Variants in SKIL observed in about 807,000 individuals in gnomAD.
SKIL encodes SKI like proto-oncogene, also known as ski-like protein.
SKIL carries 20 observed loss-of-function variants against 69.6 expected under a neutral mutation model. That is an observed-to-expected ratio of 0.29 (90% CI 0.20 to 0.42). SKIL has a LOEUF of 0.42. Among genes scored for constraint, SKIL ranks in the 10% least tolerant of loss-of-function variants. The pLI is 1.00. For missense variants in SKIL, 745 were observed against 783.1 expected (o/e 0.95, Z 0.58); for synonymous variants, 310 against 279.9 (o/e 1.11, Z -1.08).
At chr3:170,379,991 A>C (rs1028814338) in intron 2 of SKIL, among the ~76,000 whole-genome samples, 2 of 152,188 alleles carry the variant, frequency 1.3e-5, no homozygotes, top group African/African-American at 2.4e-5. Flanking sequence ...GTAAAATGGT[A>C]ATGATACCTA....
At chr3:170,379,074 G>A (rs980474892) in intron 2 of SKIL, among the ~76,000 whole-genome samples, 3 of 149,392 alleles carry the variant, frequency 2.0e-5, no homozygotes, top group South Asian at 2.1e-4. Flanking sequence ...ACTGGGTTTC[G>A]CTGTGTTGGC....
At chr3:170,388,826 T>C (rs1299352728) in intron 4 of SKIL, among the ~76,000 whole-genome samples, 1 of 152,090 alleles carries the variant, frequency 6.6e-6, no homozygotes, top group Non-Finnish European at 1.5e-5. Flanking sequence ...AAGAAACTAT[T>C]GCCTAATCCC....
At chr3:170,378,773 C>A (rs1737174042) in intron 2 of SKIL, among the ~76,000 whole-genome samples, 1 of 151,258 alleles carries the variant, frequency 6.6e-6, no homozygotes, top group Non-Finnish European at 1.5e-5. Flanking sequence ...AAACTCCTGA[C>A]TTCAGGTGAT....
Position 170,395,245 on chromosome 3 carries a change from C to G in SKIL, c.*2828C>G, listed in dbSNP as rs1269064849. The G allele has an allele frequency of 2.0e-5, 3 of 152,026 alleles. No homozygotes were observed. The highest frequency in any genetic ancestry group is 2.9e-5 in the Non-Finnish European group (2 of 67,942). 9.4% of individuals were successfully genotyped at this position (152,026 alleles called of 1,614,324 possible). A position where few individuals can be genotyped will look rare whatever the true frequency, so the allele number is the denominator to read the frequency against. ...TTATTGAGGAAGCTCTTCAACTACC[C>G]TAAATTTCACAAATGTAACTTATAA... On this transcript the variant is annotated 3_prime_UTR_variant, in exon 7 of 7. Coordinates refer to ENST00000259119, the MANE Select transcript of SKIL (RefSeq NM_005414.5).
Position 170,394,062 on chromosome 3 carries a change from G to C in SKIL, c.*1645G>C, listed in dbSNP as rs372598932. ...TATTAAGACTAATTTAATTCGTTGA[G>C]TCTTGGAATCTTCTCAAGGAGGAAC... On this transcript the variant is annotated 3_prime_UTR_variant, in exon 7 of 7. Transcript: ENST00000259119. The C allele has an allele frequency of 2.7e-5, 4 of 149,140 alleles. No individual in the cohort carries two copies. Among genetic ancestry groups the C allele is most frequent in the African/African-American group, 9.9e-5 (4 of 40,398 alleles). The allele number at this position is 149,140 out of a possible 1,614,324, so 9.2% of individuals were successfully genotyped here.
chr3:170,394,567 T>C lies in SKIL; in HGVS notation c.*2150T>C, dbSNP rs1268478628. 2 of 152,184 alleles carry C rather than the reference T, an allele frequency of 1.3e-5. No homozygotes were observed. The highest frequency in any genetic ancestry group is 2.4e-5 in the African/African-American group (1 of 41,458). 9.4% of individuals were successfully genotyped at this position (152,184 alleles called of 1,614,324 possible). ...ATTGCTTAATCCTTGAAATATGTTA[T>C]TGGAAAATTTTAAGCAGTGCTTAAA... On this transcript the variant is annotated 3_prime_UTR_variant, in exon 7 of 7. Transcript: ENST00000259119.
intron 4 of SKIL, among the ~76,000 whole-genome samples, chr3:170,386,656 G>C (rs1737650202): frequency 6.6e-6 from 1 of 150,828 alleles, no homozygotes; most frequent in African/African-American, 2.5e-5. Context: ...TTTTTGTAGA[G>C]ACAGGGTCTC....
At chr3:170,388,244 A>G (rs1010624995) in intron 4 of SKIL, among the ~76,000 whole-genome samples, 9 of 152,066 alleles carry the variant, frequency 5.9e-5, no homozygotes, top group Non-Finnish European at 1.3e-4. Context: ...TTAATTTGCA[A>G]TTTCTCAGTG....
At chr3:170,362,830 A>C (rs1736314013) in intron 2 of SKIL, among the ~76,000 whole-genome samples, 1 of 147,646 alleles carries the variant, frequency 6.8e-6, no homozygotes, top group Admixed American at 6.8e-5. Flanking sequence ...AAAAAAACAC[A>C]ACCACCTATC....
At chr3:170,389,124 C>T (rs774170786) in intron 4 of SKIL, among the ~76,000 whole-genome samples, 23 of 152,092 alleles carry the variant, frequency 1.5e-4, no homozygotes, top group East Asian at 1.9e-4. Flanking sequence ...CCACCTGCCT[C>T]GGCCTCCCAA....
Position 170,361,196 on chromosome 3 carries a change from A to G in SKIL, c.865A>G (p.Ile289Val), listed in dbSNP as rs778336148. The part of the protein sequence containing the change: ...QFYVQPDAPC[I>V]QCLECCGMFA... ...TTATGTTCAGCCTGATGCTCCGTGT[A>G]TTCAATGTCTGGAGTGTTGTGGAAT... is the stretch of plus-strand genomic sequence containing the variant. The change falls in exon 2 of 7, where the codon ATT becomes GTT. Residue 289 changes from isoleucine to valine, a missense_variant. By Grantham distance (29) the Ile-to-Val change is conservative. Coordinates refer to ENST00000259119, the MANE Select transcript of SKIL (RefSeq NM_005414.5). The G allele has an allele frequency of 1.2e-5, 20 of 1,614,084 alleles. No homozygotes were observed. Among genetic ancestry groups the G allele is most frequent in the Non-Finnish European group, 1.7e-5 (20 of 1,180,034 alleles).
chr3:170,383,195 A>T (rs1176188746), intron 3 of SKIL, among the ~76,000 whole-genome samples: 1 of 152,142 alleles, frequency 6.6e-6, no homozygotes, highest in Non-Finnish European at 1.5e-5. Flanking sequence ...CCCTCCAAGT[A>T]TGGTGATAAG....
intron 3 of SKIL, among the ~76,000 whole-genome samples, chr3:170,382,713 C>G (rs1050948696): frequency 1.8e-5 from 2 of 111,748 alleles, no homozygotes; most frequent in African/African-American, 6.5e-5. Context: ...CGAGCCGCAA[C>G]TTCAATTTTT....
chr3:170,367,157 G>A (rs1307505355), intron 2 of SKIL, among the ~76,000 whole-genome samples: 1 of 152,134 alleles, frequency 6.6e-6, no homozygotes, highest in Non-Finnish European at 1.5e-5. Flanking sequence ...TGACCAGGCT[G>A]GAGTGCAGTG....
At position 170,384,836 on chromosome 3, in the gene SKIL, G is replaced by A. The variant is rs1737538257; in HGVS notation, c.1429+71G>A. On this transcript the variant is annotated intron_variant, in intron 4 of 6. Coordinates refer to ENST00000259119, the MANE Select transcript of SKIL (RefSeq NM_005414.5). ...CACATTTATTGAGCATTTTCAAACA[G>A]GCTTTTTGTTTGAGCTAAATTTTCA... The A allele has an allele frequency of 7.2e-6, 6 of 830,826 alleles. No individual in the cohort carries two copies. In the South Asian group the frequency reaches 9.4e-5, roughly 13 times the overall value. The allele number at this position is 830,826 out of a possible 1,614,324, so 51.5% of individuals were successfully genotyped here.
chr3:170,372,904 C>T lies in SKIL; in HGVS notation c.1099-8340C>T, dbSNP rs546286844. Among the ~76,000 whole-genome samples, 12 of 152,172 alleles carry T rather than the reference C, an allele frequency of 7.9e-5. No individual in the cohort carries two copies. The South Asian group carries it at 2.5e-3, about 32-fold the overall frequency. ...TTAAATTTACCAACCTACACTACTG[C>T]TTCTGTCTTATGAACACAAATTTAA... On this transcript the variant is annotated intron_variant, in intron 2 of 6. Transcript: ENST00000259119.
At chr3:170,367,448 A>G (rs1736588386) in intron 2 of SKIL, among the ~76,000 whole-genome samples, 2 of 135,180 alleles carry the variant, frequency 1.5e-5, no homozygotes, top group South Asian at 4.9e-4. Flanking sequence ...TACTAAGTTA[A>G]GAACTATATA....
chr3:170,395,562 C>T lies in SKIL; in HGVS notation c.*3145C>T, dbSNP rs946804699. 6.6e-6 allele frequency: 1 copy of T among 152,016 alleles called. No individual in the cohort carries two copies. The highest frequency in any genetic ancestry group is 1.5e-5 in the Non-Finnish European group (1 of 67,924). The allele number at this position is 152,016 out of a possible 1,614,324, so 9.4% of individuals were successfully genotyped here. A position where few individuals can be genotyped will look rare whatever the true frequency, so the allele number is the denominator to read the frequency against. ...CAGTTTATTTGCACATAGGTAGCTT[C>T]TGTTTGAAGGAAGGTAAAGTTATAA... On this transcript the variant is annotated 3_prime_UTR_variant, in exon 7 of 7. Coordinates refer to ENST00000259119, the MANE Select transcript of SKIL (RefSeq NM_005414.5).
chr3:170,379,825 A>T (rs984546500), intron 2 of SKIL, among the ~76,000 whole-genome samples: 1 of 151,802 alleles, frequency 6.6e-6, no homozygotes, highest in Non-Finnish European at 1.5e-5. Context: ...TGCGTTTTTA[A>T]TAGAGATGGG....
Sources: allele counts gnomAD v4.1 joint callset (sites outside exome capture counted in the v4.1 genomes callset), GRCh38; gene constraint gnomAD v4.1.1; transcripts MANE v1.5; gene names NCBI Gene and HGNC (gene_info 2026-07-23, HGNC 2026-07-21).